Variants in MBNL2 observed in about 807,000 individuals in gnomAD.
MBNL2 encodes muscleblind like splicing regulator 2, also known as muscleblind-like protein 2.
MBNL2 carries 17 observed loss-of-function variants against 41.9 expected under a neutral mutation model. The ratio of observed to expected loss-of-function variants is 0.41; its 90% confidence interval spans 0.28 to 0.61. MBNL2 has a LOEUF of 0.61. Among genes scored for constraint, MBNL2 ranks in the 20% least tolerant of loss-of-function variants. MBNL2 has a pLI of 0.35. For missense variants in MBNL2, 336 were observed against 505.6 expected, an observed-to-expected ratio of 0.66 and a Z score of 3.22; for synonymous variants, 195 against 182.9, an observed-to-expected ratio of 1.07 and a Z score of -0.53.
chr13:97,329,340 A>T (rs1446029176), intron 2 of MBNL2, among the ~76,000 whole-genome samples: 2 of 152,202 alleles, frequency 1.3e-5, no homozygotes, highest in Non-Finnish European at 2.9e-5. Flanking sequence ...AATTAGAAAT[A>T]TGAAATATAA....
At chr13:97,146,019 C>A in the MBNL2 span, among the ~76,000 whole-genome samples, 1 of 148,112 alleles carries the variant, frequency 6.8e-6, no homozygotes, top group Admixed American at 6.7e-5. Flanking sequence ...GAGTCTCACT[C>A]TGTCACCAGG....
chr13:97,246,760 A>G (rs1323247819), intron 1 of MBNL2, among the ~76,000 whole-genome samples: 1 of 152,206 alleles, frequency 6.6e-6, no homozygotes, highest in African/African-American at 2.4e-5. Flanking sequence ...AAACCACGCT[A>G]CAAGACAGGC....
the MBNL2 span, among the ~76,000 whole-genome samples, chr13:97,193,577 T>C: frequency 3.9e-5 from 6 of 152,226 alleles, no homozygotes; most frequent in East Asian, 1.9e-4. Flanking sequence ...AAAATGTAGA[T>C]AACTATAGTT....
At chr13:97,350,014 C>T (rs1337575283) in intron 5 of MBNL2, among the ~76,000 whole-genome samples, 1 of 152,086 alleles carries the variant, frequency 6.6e-6, no homozygotes, top group African/African-American at 2.4e-5. Context: ...AGCCTGGGTC[C>T]CAGTGGCTAT....
chr13:97,278,031 G>A (rs559760995), intron 2 of MBNL2, among the ~76,000 whole-genome samples: 16 of 152,044 alleles, frequency 1.1e-4, no homozygotes, highest in Admixed American at 7.2e-4. Flanking sequence ...TGAAGTGGGC[G>A]GATCACGAGA....
the MBNL2 span, among the ~76,000 whole-genome samples, chr13:97,177,951 G>C: frequency 2.6e-5 from 4 of 152,292 alleles, no homozygotes; most frequent in Non-Finnish European, 5.9e-5. Flanking sequence ...ATAAGCGTAA[G>C]TTGCATCCAT....
intron 8 of MBNL2, among the ~76,000 whole-genome samples, chr13:97,372,184 G>A (rs1030337016): frequency 3.9e-5 from 6 of 152,176 alleles, no homozygotes; most frequent in African/African-American, 9.6e-5. Flanking sequence ...ATCTTTTTAC[G>A]GAGCATCACA....
intron 1 of MBNL2, among the ~76,000 whole-genome samples, chr13:97,246,193 TG>T (rs1328409598): frequency 1.3e-5 from 2 of 152,102 alleles, no homozygotes; most frequent in African/African-American, 4.8e-5. Flanking sequence ...ACTCTTGTAG[TG>T]AAGTTTTTTG....
At chr13:97,289,208 A>G (rs1462229318) in intron 2 of MBNL2, among the ~76,000 whole-genome samples, 1 of 152,240 alleles carries the variant, frequency 6.6e-6, no homozygotes, top group Non-Finnish European at 1.5e-5. Context: ...TAATATAAAA[A>G]CTTATGTGTT....
intron 7 of MBNL2, 39 bp from the exon 8 acceptor site, chr13:97,365,097 C>G: frequency 7.1e-7 from 1 of 1,407,016 alleles, no homozygotes; most frequent in Non-Finnish European, 1.0e-6. Context: ...GTTTCTTTCC[C>G]TTTATTCACT....
At chr13:97,368,435 A>C (rs1442910839) in intron 8 of MBNL2, among the ~76,000 whole-genome samples, 3 of 151,958 alleles carry the variant, frequency 2.0e-5, no homozygotes, top group African/African-American at 4.8e-5. Context: ...AAATAAAATA[A>C]AATACAAGTT....
intron 2 of MBNL2, among the ~76,000 whole-genome samples, chr13:97,314,203 C>A (rs1249703836): frequency 6.6e-6 from 1 of 152,146 alleles, no homozygotes; most frequent in Non-Finnish European, 1.5e-5. Context: ...TAGGCATGCT[C>A]CTGCCTCAGG....
At chr13:97,153,252 CATAAT>C in the MBNL2 span, among the ~76,000 whole-genome samples, 6 of 151,960 alleles carry the variant, frequency 3.9e-5, no homozygotes, top group South Asian at 6.2e-4. Context: ...ATCCAAACAT[CATAAT>C]ATAATTATGT....
intron 1 of MBNL2, among the ~76,000 whole-genome samples, chr13:97,237,883 C>T (rs1017730987): frequency 6.6e-5 from 10 of 152,112 alleles, no homozygotes; most frequent in Non-Finnish European, 1.0e-4. Context: ...TCAGGCAGGT[C>T]ATGAAGGCAT....
At chr13:97,217,547 AG>A (rs1218288519), upstream of MBNL2, among the ~76,000 whole-genome samples, 2 of 152,312 alleles carry the variant, frequency 1.3e-5, no homozygotes, top group Non-Finnish European at 2.9e-5. Context: ...TGGGTGTGAA[AG>A]GAATAGAAGA....
At chr13:97,356,201 C>G (rs1377512579) in intron 5 of MBNL2, among the ~76,000 whole-genome samples, 1 of 152,060 alleles carries the variant, frequency 6.6e-6, no homozygotes, top group Admixed American at 6.5e-5. Flanking sequence ...AAGATCCAAA[C>G]CCAACAGTTT....
At chr13:97,192,364 A>C in the MBNL2 span, among the ~76,000 whole-genome samples, 1 of 152,226 alleles carries the variant, frequency 6.6e-6, no homozygotes, top group Non-Finnish European at 1.5e-5. Flanking sequence ...AGAGGAGATA[A>C]GATCAGACCT....
chr13:97,235,223 T>C (rs16953947), intron 1 of MBNL2, among the ~76,000 whole-genome samples: 2,688 of 152,202 alleles, frequency 0.018, 67 homozygotes, highest in African/African-American at 0.061. Context: ...TCTTTTTTTT[T>C]CCTCTGTACT....
At chr13:97,202,870 G>T in the MBNL2 span, among the ~76,000 whole-genome samples, 38 of 152,180 alleles carry the variant, frequency 2.5e-4, no homozygotes, top group Non-Finnish European at 4.4e-4. Context: ...CTGGACAGTG[G>T]CTGGGTTTGA....
Sources: allele counts gnomAD v4.1 joint callset (sites outside exome capture counted in the v4.1 genomes callset), GRCh38; gene constraint gnomAD v4.1.1; transcripts MANE v1.5; gene names NCBI Gene and HGNC (gene_info 2026-07-23, HGNC 2026-07-21).